Variants in IHH observed in about 807,000 individuals in gnomAD.
IHH encodes Indian hedgehog signaling molecule, also known as indian hedgehog protein.
IHH carries 9 observed loss-of-function variants against 29.4 expected under a neutral mutation model. The observed-to-expected ratio is 0.31, with a 90% CI of 0.18 to 0.53. The LOEUF (loss-of-function observed/expected upper bound fraction) is 0.53. Ranked by LOEUF, IHH falls within the 20% of genes least tolerant of loss-of-function variation. IHH has a pLI of 0.95. For missense variants in IHH, 454 were observed against 578.1 expected (o/e 0.79, Z 2.20); for synonymous variants, 254 against 252.7 (o/e 1.01, Z -0.05).
In IHH at chr2:219,055,646, G is replaced by A. The variant is rs773432715; in HGVS notation, c.797C>T (p.Pro266Leu). 8 of 1,613,996 alleles carry A rather than the reference G, an allele frequency of 5.0e-6. No individual in the cohort carries two copies. The highest frequency in any genetic ancestry group is 3.3e-5 in the South Asian group (3 of 91,090). Residue 266 changes from proline to leucine, a missense_variant, in exon 3 of 3, where the codon CCA (proline) becomes CTA (leucine). By Grantham distance (98) the Pro-to-Leu change is moderately conservative. This residue lies in a region of IHH where 271 missense variants were observed against 315.9 expected (regional missense o/e 0.86). Coordinates refer to ENST00000295731, the MANE Select transcript of IHH (RefSeq NM_002181.4). ...AFQVIETQDP[P>L]RRLALTPAHL... ...AGCGGGTGTGAGTGCCAGGCGGCGT[G>A]GGGGGTCCTGAGTCTCGATGACCTG...
chr2:219,057,563 G>A lies in IHH; in HGVS notation c.447C>T (p.Arg149=), dbSNP rs573679558. Residue 149 remains arginine (R), a synonymous_variant, in exon 2 of 3, where the codon CGC becomes CGT. Coordinates refer to ENST00000295731, the MANE Select transcript of IHH (RefSeq NM_002181.4). ...HSEESLHYEG[R]AVDITTSDRD... is the part of the protein sequence containing the mutation. ...GGTCTGATGTGGTGATGTCCACCGC[G>A]CGGCCCTCATAATGCAGGGACTCCT... 6.2e-7 allele frequency: 1 copy of A among 1,614,076 alleles called. No homozygotes were observed. Among genetic ancestry groups the A allele is most frequent in the South Asian group, 1.1e-5 (1 of 91,076 alleles).
chr2:219,054,770 G>A lies in IHH; in HGVS notation c.*437C>T. ...CTGCCCCACCCCTGTGGCCTTCCCA[G>A]TTCTGGACAGCATCGGGTCCAGCCA... On this transcript the variant is annotated 3_prime_UTR_variant, in exon 3 of 3. Coordinates refer to ENST00000295731, the MANE Select transcript of IHH (RefSeq NM_002181.4). 1 of 204,266 alleles carries A rather than the reference G, an allele frequency of 4.9e-6. No homozygotes were observed. The highest frequency in any genetic ancestry group is 1.9e-3 in the Middle Eastern group (1 of 514). The allele number at this position is 204,266 out of a possible 1,614,324, so 12.7% of individuals were successfully genotyped here. A position where few individuals can be genotyped will look rare whatever the true frequency, so the allele number is the denominator to read the frequency against.
chr2:219,060,127 G>A lies in IHH; in HGVS notation c.315+26C>T, dbSNP rs1404102265. ...CAGGTGGCCGTGCTTCGGTGGCGGC[G>A]CGCTGGTAGGGCGGATCGCGCTCAC... On this transcript the variant is annotated intron_variant, in intron 1 of 2. Transcript: ENST00000295731. The surrounding 1 kb of genome is among the most constrained non-coding windows in gnomAD (Gnocchi z 8.8). 1.3e-6 allele frequency: 2 copies of A among 1,590,514 alleles called. No homozygotes were observed. The highest frequency in any genetic ancestry group is 8.6e-7 in the Non-Finnish European group (1 of 1,166,134).
In IHH at chr2:219,059,694, G is replaced by C. The variant is rs1412445895; in HGVS notation, c.315+459C>G. Among the ~76,000 whole-genome samples, 2 of 152,228 alleles carry C rather than the reference G, an allele frequency of 1.3e-5. No individual in the cohort carries two copies. The highest frequency in any genetic ancestry group is 1.3e-4 in the Admixed American group (2 of 15,292). ...GCCCGTAGAACCAAGAGCGCACAGG[G>C]AGGAAAGGCCGTGGTGACCCTACGC... On this transcript the variant is annotated intron_variant, in intron 1 of 2. Coordinates refer to ENST00000295731, the MANE Select transcript of IHH (RefSeq NM_002181.4). The surrounding 1 kb of genome is among the most constrained non-coding windows in gnomAD (Gnocchi z 4.7).
intron 2 of IHH, 123 bp from the exon 3 acceptor site, chr2:219,055,988 C>A (rs952422240): frequency 6.1e-4 from 624 of 1,015,648 alleles, no homozygotes; most frequent in Non-Finnish European, 8.5e-4. Flanking sequence ...CCCCCGTCAC[C>A]ATATCCCAGC....
chr2:219,060,571 G>A lies in IHH; in HGVS notation c.-104C>T. The A allele has an allele frequency of 1.4e-6, 1 of 706,216 alleles. No homozygotes were observed. The highest frequency in any genetic ancestry group is 2.0e-6 in the Non-Finnish European group (1 of 496,812). 43.7% of individuals were successfully genotyped at this position (706,216 alleles called of 1,614,324 possible). ...GGGCTCAGGCGTCCGGGTGGCTCCG[G>A]GGGGCTCCAGGCGGGGGCGCCATGG... is the stretch of plus-strand genomic sequence containing the variant. On this transcript the variant is annotated 5_prime_UTR_variant, in exon 1 of 3. Coordinates refer to ENST00000295731, the MANE Select transcript of IHH (RefSeq NM_002181.4). This position sits in a 1 kb window ranked among gnomAD's most constrained non-coding sequence, Gnocchi z 8.8.
rs1157735263 is a variant in IHH, at chr2:219,060,222, G to A, written c.246C>T (p.Thr82=). The change falls in exon 1 of 3, where the codon ACC becomes ACT. Residue 82 remains threonine, a synonymous_variant. Transcript: ENST00000295731. The surrounding 1 kb of genome is among the most constrained non-coding windows in gnomAD (Gnocchi z 8.8). ...ARSSERFKEL[T]PNYNPDIIFK... ...AGATGATGTCTGGATTGTAATTGGG[G>A]GTGAGCTCCTTGAAGCGCTCGGAGC... 1 of 1,613,608 alleles carries A rather than the reference G, an allele frequency of 6.2e-7. No homozygotes were observed. The highest frequency in any genetic ancestry group is 8.5e-7 in the Non-Finnish European group (1 of 1,179,860).
Position 219,060,860 on chromosome 2 carries a change from C to G in IHH, c.-393G>C, listed in dbSNP as rs1330929795. 1.3e-5 allele frequency among the ~76,000 whole-genome samples: 2 copies of G among 149,474 alleles called. No individual in the cohort carries two copies. Among genetic ancestry groups the G allele is most frequent in the East Asian group, 3.9e-4 (2 of 5,102 alleles). On this transcript the variant is annotated 5_prime_UTR_variant, in exon 1 of 3. Coordinates refer to ENST00000295731, the MANE Select transcript of IHH (RefSeq NM_002181.4). The surrounding 1 kb of genome is among the most constrained non-coding windows in gnomAD (Gnocchi z 8.8). ...CCCCGCGGTTAGCACCCCGGCCCGGCGGTCAGGCGGCTCGGGCGGAGCGGG... is the reference window on the plus strand; with the variant it reads ...CCCCGCGGTTAGCACCCCGGCCCGGGGGTCAGGCGGCTCGGGCGGAGCGGG...
Position 219,055,212 on chromosome 2 carries a change from T to C in IHH, c.1231A>G (p.Ser411Gly). 2 of 1,572,034 alleles carry C rather than the reference T, an allele frequency of 1.3e-6. No homozygotes were observed. Among genetic ancestry groups the C allele is most frequent in the Non-Finnish European group, 1.7e-6 (2 of 1,159,378 alleles). The stretch of plus-strand genomic sequence containing the variant: ...AGGGCAGCGGTGGAGTCCTTTCAGC[T>C]CCCTGCCCCGGACATGCCCAGTGGG... The part of the protein sequence containing the change: ...FHPLGMSGAG[S>G] The change falls in exon 3 of 3, where the codon AGC becomes GGC. Residue 411 changes from serine to glycine, a missense_variant. By Grantham distance (56) the Ser-to-Gly change is moderately conservative. Transcript: ENST00000295731.
Position 219,055,059 on chromosome 2 carries a change from T to C in IHH, c.*148A>G. The C allele has an allele frequency of 1.2e-6, 1 of 830,440 alleles. No individual in the cohort carries two copies. Among genetic ancestry groups the C allele is most frequent in the South Asian group, 1.8e-5 (1 of 56,678 alleles). 51.4% of individuals were successfully genotyped at this position (830,440 alleles called of 1,614,324 possible). A position where few individuals can be genotyped will look rare whatever the true frequency, so the allele number is the denominator to read the frequency against. On this transcript the variant is annotated 3_prime_UTR_variant, in exon 3 of 3. Transcript: ENST00000295731. Reference sequence around the variant, plus strand: ...GGTGGGGGACGCTGGTGTTGCCCAGTCAAGTCTCAATGGTGTATCTTCATG... The same window carrying C: ...GGTGGGGGACGCTGGTGTTGCCCAGCCAAGTCTCAATGGTGTATCTTCATG...
At position 219,055,796 on chromosome 2, in the gene IHH, G is replaced by T. The variant is rs142245478; in HGVS notation, c.647C>A (p.Ala216Glu). Residue 216 changes from alanine to glutamate, a missense_variant, in exon 3 of 3, where the codon GCG becomes GAG. Coordinates refer to ENST00000295731, the MANE Select transcript of IHH (RefSeq NM_002181.4). ...CCTCACGGCTGACAAGGCCACACGC[G>T]CCCCACTCTCCAGGCGTACCTGGGC... Reference protein sequence around the residue: ...AGAQVRLESGARVALSAVRPG... With the variant: ...AGAQVRLESGERVALSAVRPG... 1.2e-6 allele frequency: 2 copies of T among 1,612,932 alleles called. No homozygotes were observed. Among genetic ancestry groups the T allele is most frequent in the Non-Finnish European group, 8.5e-7 (1 of 1,179,978 alleles).
At position 219,055,290 on chromosome 2, in the gene IHH, G is replaced by A. The variant is rs1330758481; in HGVS notation, c.1153C>T (p.Pro385Ser). 17 of 1,612,424 alleles carry A rather than the reference G, an allele frequency of 1.1e-5. No individual in the cohort carries two copies. Among genetic ancestry groups the A allele is most frequent in the East Asian group, 2.2e-5 (1 of 44,850 alleles). Residue 385 changes from proline (P) to serine (S), a missense_variant, in exon 3 of 3, where the codon CCC becomes TCC. By Grantham distance (74) the Pro-to-Ser change is moderately conservative (BLOSUM62 -1). Around this residue, in one of 3 missense-constraint regions of IHH, gnomAD observed 271 missense variants for 315.9 expected, o/e 0.86. Coordinates refer to ENST00000295731, the MANE Select transcript of IHH (RefSeq NM_002181.4). ...CGCCCCAGGCGGTAGAGCAGCTGGG[G>A]GTACCAATGCACACCCTCCCCCGGA... ...WTPGEGVHWY[P>S]QLLYRLGRLL...
In IHH at chr2:219,055,485, C is replaced by G. The variant is rs1211149163; in HGVS notation, c.958G>C (p.Val320Leu). Reference protein sequence around the residue: ...PGLQPARVAAVSTHVALGAYA... With the variant: ...PGLQPARVAALSTHVALGAYA... ...GCCCCGAGGGCCACGTGTGTAGAGA[C>G]AGCTGCCACGCGGGCAGGCTGCAGG... Residue 320 changes from valine (V) to leucine (L), a missense_variant, in exon 3 of 3, where the codon GTC (valine) becomes CTC (leucine). Coordinates refer to ENST00000295731, the MANE Select transcript of IHH (RefSeq NM_002181.4). 6.2e-7 allele frequency: 1 copy of G among 1,609,780 alleles called. No individual in the cohort carries two copies. The highest frequency in any genetic ancestry group is 1.3e-5 in the African/African-American group (1 of 74,866).
chr2:219,057,827 C>G, intron 1 of IHH, 133 bp from the exon 2 acceptor site: 1 of 1,223,792 alleles, frequency 8.2e-7, no homozygotes, highest in Non-Finnish European at 1.2e-6. Context: ...CGGGAGGGTG[C>G]TGTCCCTCTC....
Position 219,055,261 on chromosome 2 carries a change from G to C in IHH, c.1182C>G (p.Leu394=). ...YPQLLYRLGR[L]LLEEGSFHPL... The stretch of plus-strand genomic sequence containing the variant: ...GGTGGAAGCTGCCCTCTTCTAGCAG[G>C]AGACGCCCCAGGCGGTAGAGCAGCT... The change falls in exon 3 of 3, where the codon CTC becomes CTG. Residue 394 remains leucine (L), a synonymous_variant. Coordinates refer to ENST00000295731, the MANE Select transcript of IHH (RefSeq NM_002181.4). 6.2e-7 allele frequency: 1 copy of C among 1,608,418 alleles called. No homozygotes were observed. Among genetic ancestry groups the C allele is most frequent in the Non-Finnish European group, 8.5e-7 (1 of 1,177,848 alleles).
At position 219,060,138 on chromosome 2, in the gene IHH, G is replaced by A. The variant is rs772653487; in HGVS notation, c.315+15C>T. On this transcript the variant is annotated intron_variant, in intron 1 of 2. Transcript: ENST00000295731. The surrounding 1 kb of genome is among the most constrained non-coding windows in gnomAD (Gnocchi z 8.8). ...GCTTCGGTGGCGGCGCGCTGGTAGG[G>A]CGGATCGCGCTCACCTGGGTCATGA... 5.0e-6 allele frequency: 8 copies of A among 1,596,932 alleles called. No homozygotes were observed. Among genetic ancestry groups the A allele is most frequent in the Non-Finnish European group, 6.8e-6 (8 of 1,169,684 alleles).
rs1242573344 is a variant in IHH at position 219,055,163 on chromosome 2, T to C, written c.*44A>G. 1.9e-6 allele frequency: 3 copies of C among 1,548,458 alleles called. No homozygotes were observed. Among genetic ancestry groups the C allele is most frequent in the Middle Eastern group, 1.7e-4 (1 of 5,970 alleles). On this transcript the variant is annotated 3_prime_UTR_variant, in exon 3 of 3. Transcript: ENST00000295731. ...AGCTCCCTCCTGGCTGAGAGGCTTC[T>C]GGACCCAGTACAGCAGTTCCAGGAG... is the stretch of plus-strand genomic sequence containing the variant.
At chr2:219,057,304 C>T in intron 2 of IHH, 129 bp downstream of exon 2, 1 of 1,093,126 alleles carries the variant, frequency 9.1e-7, no homozygotes, top group Non-Finnish European at 1.3e-6. Context: ...TTGGAGAGCG[C>T]CGCTGATGTC....
chr2:219,057,554 G>A lies in IHH; in HGVS notation c.456C>T (p.Asp152=). 6.2e-7 allele frequency: 1 copy of A among 1,614,082 alleles called. No homozygotes were observed. Among genetic ancestry groups the A allele is most frequent in the Non-Finnish European group, 8.5e-7 (1 of 1,180,030 alleles). ...TGCGGTCGCGGTCTGATGTGGTGAT[G>A]TCCACCGCGCGGCCCTCATAATGCA... The part of the protein sequence containing the change: ...ESLHYEGRAV[D]ITTSDRDRNK... Residue 152 remains aspartate (D), a synonymous_variant, in exon 2 of 3, where the codon GAC becomes GAT. Transcript: ENST00000295731.
Sources: allele counts gnomAD v4.1 joint callset (sites outside exome capture counted in the v4.1 genomes callset), GRCh38; gene constraint gnomAD v4.1.1; regional missense constraint gnomAD v4.1.1; non-coding constraint Gnocchi (gnomAD v3.1); transcripts MANE v1.5; gene names NCBI Gene and HGNC (gene_info 2026-07-23, HGNC 2026-07-21).